TMLHE: variants seen among roughly 807,000 people sequenced by gnomAD.
The protein encoded by TMLHE is trimethyllysine hydroxylase, epsilon, also known as trimethyllysine dioxygenase, mitochondrial.
Under a neutral mutation model 25.7 loss-of-function variants are expected in TMLHE, and 18 were observed. The ratio of observed to expected loss-of-function variants is 0.70; its 90% CI spans 0.48 to 1.04. The LOEUF (loss-of-function observed/expected upper bound fraction) is 1.04. Ranked by LOEUF, TMLHE falls within the 50% of genes least tolerant of loss-of-function variation. TMLHE has a pLI of 0.00. For synonymous variants in TMLHE, 105 were observed against 97.0 expected (o/e 1.08, Z -0.49); for missense variants, 236 against 259.0 (o/e 0.91, Z 0.61).
chrX:155,532,668 C>CGTGTGTGTGT (rs33944459), intron 2 of TMLHE, among the ~76,000 whole-genome samples: 42 of 86,095 alleles, frequency 4.9e-4, no homozygotes, highest in East Asian at 1.8e-3. Flanking sequence ...ATGCAAAATT[C>CGTGTGTGTGT]GTGTGTGTGT....
chrX:155,513,424 C>G (rs1557334093), intron 4 of TMLHE, among the ~76,000 whole-genome samples: 1 of 111,354 alleles, frequency 9.0e-6, no homozygotes, highest in Non-Finnish European at 1.9e-5. Flanking sequence ...GGGGACAAAA[C>G]ACACACTGAT....
intron 5 of TMLHE, among the ~76,000 whole-genome samples, chrX:155,510,243 T>TTTTAC (rs1173259850): frequency 1.9e-5 from 2 of 105,389 alleles, no homozygotes; most frequent in African/African-American, 7.1e-5. Flanking sequence ...TTTTATTTTA[T>TTTTAC]TTTATTTTAT....
At chrX:155,518,391 G>C (rs1557335439) in intron 3 of TMLHE, among the ~76,000 whole-genome samples, 1 of 95,701 alleles carries the variant, frequency 1.0e-5, no homozygotes, top group African/African-American at 3.8e-5. Context: ...TGGTGGAAAA[G>C]CTTTTTGATG....
At chrX:155,515,260 C>T (rs1337449473) in intron 3 of TMLHE, among the ~76,000 whole-genome samples, 1 of 110,189 alleles carries the variant, frequency 9.1e-6, no homozygotes, top group Non-Finnish European at 1.9e-5. Context: ...CTGCCATTGT[C>T]ACTTAACATT....
rs2075357602 is a variant in TMLHE, at chrX:155,489,956, A to G, written c.*1579T>C. Among the ~76,000 whole-genome samples, 4 of 25,045 alleles carry G rather than the reference A, an allele frequency of 1.6e-4. No individual in the cohort carries two copies. In the South Asian group the frequency reaches 9.2e-3, roughly 58 times the overall value. 21.7% of individuals were successfully genotyped at this position (25,045 alleles called of 115,157 possible). On this transcript the variant is annotated 3_prime_UTR_variant, in exon 8 of 8. Transcript: ENST00000334398. ...CCCCCTCTTGTGTGCATCCTAGCCT[A>G]TATTCTCTTTCATCATTCTACAGTG...
At chrX:155,594,689 A>G (rs2067711629) in intron 1 of TMLHE, among the ~76,000 whole-genome samples, 1 of 112,402 alleles carries the variant, frequency 8.9e-6, no homozygotes, top group Non-Finnish European at 1.9e-5. Flanking sequence ...AGGGATATAA[A>G]TTACAAAATG....
In TMLHE at chrX:155,562,189, G is replaced by A. The variant is rs1482993811; in HGVS notation, c.-1-16912C>T. On this transcript the variant is annotated intron_variant, in intron 1 of 7. Transcript: ENST00000334398. Reference sequence around the variant, plus strand: ...TTTCCATACATGCTCTGAAATCTAGGCAGAGGTTCCCAAACCTCAATTCTT... The same window carrying A: ...TTTCCATACATGCTCTGAAATCTAGACAGAGGTTCCCAAACCTCAATTCTT... Among the ~76,000 whole-genome samples the A allele has an allele frequency of 1.8e-4, 11 of 62,093 alleles. 3 individuals carry two copies. The highest frequency in any genetic ancestry group is 3.9e-4 in the African/African-American group (11 of 27,979). 53.9% of individuals were successfully genotyped at this position (62,093 alleles called of 115,157 possible). A position where few individuals can be genotyped will look rare whatever the true frequency, so the allele number is the denominator to read the frequency against.
chrX:155,579,424 T>C (rs782230948), intron 1 of TMLHE, among the ~76,000 whole-genome samples: 1 of 111,996 alleles, frequency 8.9e-6, no homozygotes, highest in East Asian at 2.8e-4. Context: ...TGGAACAGAA[T>C]AGAGAACACA....
intron 1 of TMLHE, among the ~76,000 whole-genome samples, chrX:155,568,234 C>G (rs1315209986): frequency 6.5e-5 from 4 of 61,710 alleles, no homozygotes; most frequent in African/African-American, 1.4e-4. Flanking sequence ...TCGCTGATTG[C>G]TACCACAGCA....
intron 1 of TMLHE, among the ~76,000 whole-genome samples, chrX:155,608,655 G>T (rs2067801699): frequency 8.9e-6 from 1 of 111,861 alleles, no homozygotes; most frequent in African/African-American, 3.2e-5. Flanking sequence ...TGCAAACTAG[G>T]CATCTGACAA....
At position 155,551,183 on chromosome X, in the gene TMLHE, G is replaced by A. The variant is rs782321230; in HGVS notation, c.-1-5906C>T. Among the ~76,000 whole-genome samples, 16 of 110,550 alleles carry A rather than the reference G, an allele frequency of 1.4e-4. 1 individual carries two copies. In the East Asian group the frequency reaches 2.0e-3, roughly 14 times the overall value. ...CTTGTCTACATATTCTAATGTAACT[G>A]CATACAAGTTTCCAGCAGCTCATGT... is the stretch of plus-strand genomic sequence containing the variant. On this transcript the variant is annotated intron_variant, in intron 1 of 7. Coordinates refer to ENST00000334398, the MANE Select transcript of TMLHE (RefSeq NM_018196.4).
chrX:155,589,875 A>C (rs868982464), intron 1 of TMLHE, among the ~76,000 whole-genome samples: 1 of 112,236 alleles, frequency 8.9e-6, no homozygotes, highest in South Asian at 3.7e-4. Flanking sequence ...CTATGCATGT[A>C]ACAAATACTC....
chrX:155,573,358 A>C (rs782032469), intron 1 of TMLHE, among the ~76,000 whole-genome samples: 3 of 56,409 alleles, frequency 5.3e-5, no homozygotes, highest in African/African-American at 1.3e-4. Context: ...GATGTGGAGA[A>C]ATAGGAACAC....
At chrX:155,505,325 C>T (rs782603300) in intron 6 of TMLHE, among the ~76,000 whole-genome samples, 10 of 111,472 alleles carry the variant, frequency 9.0e-5, no homozygotes, top group Non-Finnish European at 1.5e-4. Context: ...TTGTTTTAGG[C>T]ACTTAGATAT....
chrX:155,561,269 G>T lies in TMLHE; in HGVS notation c.-1-15992C>A, dbSNP rs1193323885. ...TCTTACAATCACAGCAGAAGGTGAA[G>T]GGAAAGCAAGGCACGTCTTACATGA... On this transcript the variant is annotated intron_variant, in intron 1 of 7. Transcript: ENST00000334398. Among the ~76,000 whole-genome samples the T allele has an allele frequency of 1.1e-4, 7 of 61,363 alleles. 3 individuals carry two copies. In the Admixed American group the frequency reaches 1.3e-3, roughly 12 times the overall value. 53.3% of individuals were successfully genotyped at this position (61,363 alleles called of 115,157 possible). A position where few individuals can be genotyped will look rare whatever the true frequency, so the allele number is the denominator to read the frequency against.
At chrX:155,522,393 T>C (rs150200983) in intron 3 of TMLHE, among the ~76,000 whole-genome samples, 37 of 111,956 alleles carry the variant, frequency 3.3e-4, no homozygotes, top group Middle Eastern at 4.6e-3. Context: ...GTACAATCCA[T>C]TGGGCTTATT....
intron 1 of TMLHE, among the ~76,000 whole-genome samples, chrX:155,548,567 C>CAGCA (rs2067381541): frequency 7.5e-5 from 8 of 106,996 alleles, no homozygotes; most frequent in Non-Finnish European, 1.5e-4. Flanking sequence ...AACCCTGTCT[C>CAGCA]TACTAAAAAA....
intron 4 of TMLHE, among the ~76,000 whole-genome samples, chrX:155,512,233 T>C (rs2067118669): frequency 9.1e-6 from 1 of 109,659 alleles, no homozygotes; most frequent in Non-Finnish European, 1.9e-5. Flanking sequence ...TTGTTACATA[T>C]GTATACATGT....
At chrX:155,513,738 T>G (rs1052201290) in intron 4 of TMLHE, among the ~76,000 whole-genome samples, 4 of 110,450 alleles carry the variant, frequency 3.6e-5, no homozygotes, top group African/African-American at 1.3e-4. Flanking sequence ...ACCTGTCACT[T>G]GGGATCACTG....
Sources: allele counts gnomAD v4.1 joint callset (sites outside exome capture counted in the v4.1 genomes callset), GRCh38; gene constraint gnomAD v4.1.1; transcripts MANE v1.5; gene names NCBI Gene and HGNC (gene_info 2026-07-23, HGNC 2026-07-21).